Variants in CORO1C observed in about 807,000 individuals in gnomAD.
The protein encoded by CORO1C is coronin 1C.
In CORO1C, 14 loss-of-function variants were observed where a neutral mutation model predicts 51.2. The ratio of observed to expected loss-of-function variants is 0.27; its 90% CI spans 0.18 to 0.43. The LOEUF is 0.43. Among genes scored for constraint, CORO1C ranks in the 20% least tolerant of loss-of-function variants. CORO1C has a pLI of 1.00. For missense variants in CORO1C, 417 were observed against 607.8 expected (o/e 0.69, Z 3.30); for synonymous variants, 181 against 210.5 (o/e 0.86, Z 1.21).
chr12:108,713,469 G>A (rs1335506189), intron 1 of CORO1C, among the ~76,000 whole-genome samples: 1 of 152,072 alleles, frequency 6.6e-6, no homozygotes, highest in East Asian at 1.9e-4. Flanking sequence ...CCAAGAATGA[G>A]GCATACCAGT....
intron 1 of CORO1C, among the ~76,000 whole-genome samples, chr12:108,710,098 C>G (rs2035136231): frequency 6.6e-6 from 1 of 152,180 alleles, no homozygotes; most frequent in Non-Finnish European, 1.5e-5. Context: ...ATTTATCACT[C>G]TCCTCCTATT....
Position 108,658,622 on chromosome 12 carries a change from G to T in CORO1C, c.630+116C>A. 1.1e-6 allele frequency: 1 copy of T among 873,088 alleles called. No homozygotes were observed. The highest frequency in any genetic ancestry group is 1.7e-6 in the Non-Finnish European group (1 of 575,974). 54.1% of individuals were successfully genotyped at this position (873,088 alleles called of 1,614,324 possible). A position where few individuals can be genotyped will look rare whatever the true frequency, so the allele number is the denominator to read the frequency against. ...TATAAGCCTTCTCTTATTCACAGTT[G>T]GTGTCTACACACAACAGGGTCCCAC... On this transcript the variant is annotated intron_variant, in intron 5 of 10. Coordinates refer to ENST00000261401, the MANE Select transcript of CORO1C (RefSeq NM_014325.4). The surrounding 1 kb of genome is among the most constrained non-coding windows in gnomAD (Gnocchi z 4.9).
chr12:108,655,642 G>A (rs1012103191), intron 6 of CORO1C, among the ~76,000 whole-genome samples: 4 of 152,220 alleles, frequency 2.6e-5, no homozygotes, highest in East Asian at 3.9e-4. Flanking sequence ...TCGGCCTCCC[G>A]AGGTGCCGGG....
intron 1 of CORO1C, among the ~76,000 whole-genome samples, chr12:108,729,379 T>C (rs114167500): frequency 6.5e-4 from 98 of 151,302 alleles, no homozygotes; most frequent in African/African-American, 2.4e-3. Context: ...TGTGCAGTTA[T>C]GTTTCATCGG....
intron 3 of CORO1C, among the ~76,000 whole-genome samples, chr12:108,665,453 G>C (rs2033438634): frequency 6.6e-6 from 1 of 151,888 alleles, no homozygotes; most frequent in Non-Finnish European, 1.5e-5. Flanking sequence ...TCTAGTACTG[G>C]GTAACTAAAT....
At position 108,648,785 on chromosome 12, in the gene CORO1C, T is replaced by C; in HGVS notation, c.1125A>G (p.Glu375=). 1.9e-6 allele frequency: 3 copies of C among 1,614,244 alleles called. No homozygotes were observed. The highest frequency in any genetic ancestry group is 1.6e-4 in the Middle Eastern group (1 of 6,062). The change falls in exon 10 of 11, where the codon GAA becomes GAG. Residue 375 remains glutamate (E), a synonymous_variant. Transcript: ENST00000261401. ...CTGCATTCTTGCCTTCGAACCACTCTTCTGCCTCCAGCGCGGCCTCTGGCC... is the reference window on the plus strand; with the variant it reads ...CTGCATTCTTGCCTTCGAACCACTCCTCTGCCTCCAGCGCGGCCTCTGGCC... The part of the protein sequence containing the change: ...TAGPEAALEA[E]EWFEGKNADP...
intron 2 of CORO1C, among the ~76,000 whole-genome samples, chr12:108,685,145 T>C (rs2034253847): frequency 6.6e-6 from 1 of 152,200 alleles, no homozygotes; most frequent in African/African-American, 2.4e-5. Context: ...AGCTTCTTAC[T>C]AAATGACTTC....
At chr12:108,725,220 A>G (rs1305510155) in intron 1 of CORO1C, among the ~76,000 whole-genome samples, 1 of 152,194 alleles carries the variant, frequency 6.6e-6, no homozygotes, top group Admixed American at 6.5e-5. Flanking sequence ...CAGTGACTCA[A>G]CTTTGATTCA....
chr12:108,721,583 A>T (rs1232542465), intron 1 of CORO1C, among the ~76,000 whole-genome samples: 6 of 152,230 alleles, frequency 3.9e-5, no homozygotes, highest in Non-Finnish European at 5.9e-5. Context: ...AATTTTTTAA[A>T]TGATACCAGA....
intron 1 of CORO1C, among the ~76,000 whole-genome samples, chr12:108,727,734 T>C (rs1301870697): frequency 6.6e-6 from 1 of 152,178 alleles, no homozygotes; most frequent in East Asian, 1.9e-4. Context: ...GACCCCACTA[T>C]TCATAAATTG....
chr12:108,685,795 A>C (rs1410310723), intron 2 of CORO1C, among the ~76,000 whole-genome samples: 1 of 152,114 alleles, frequency 6.6e-6, no homozygotes, highest in East Asian at 1.9e-4. Flanking sequence ...AATTGACTAA[A>C]TATCTGACAG....
At chr12:108,715,995 GT>G (rs2035323352) in intron 1 of CORO1C, among the ~76,000 whole-genome samples, 1 of 151,692 alleles carries the variant, frequency 6.6e-6, no homozygotes, top group African/African-American at 2.4e-5. Flanking sequence ...GCCAGGCGTG[GT>G]GGCACGCGCC....
At chr12:108,655,111 C>T (rs2032881162) in intron 6 of CORO1C, among the ~76,000 whole-genome samples, 1 of 151,906 alleles carries the variant, frequency 6.6e-6, no homozygotes, top group Non-Finnish European at 1.5e-5. Context: ...AATCCTACAG[C>T]CCAGTGGGTG....
chr12:108,706,532 C>G (rs1013129993), intron 1 of CORO1C, among the ~76,000 whole-genome samples: 32 of 152,088 alleles, frequency 2.1e-4, no homozygotes, highest in Admixed American at 2.1e-3. Flanking sequence ...CAGAAAATCC[C>G]GAGGAATCCA....
intron 3 of CORO1C, among the ~76,000 whole-genome samples, chr12:108,667,871 CAA>C (rs2033548018): frequency 6.6e-6 from 1 of 152,184 alleles, no homozygotes; most frequent in Non-Finnish European, 1.5e-5. Flanking sequence ...AAGGACAACT[CAA>C]GAGAACAATC....
intron 3 of CORO1C, among the ~76,000 whole-genome samples, chr12:108,677,325 A>G (rs1394973679): frequency 2.6e-5 from 4 of 152,244 alleles, no homozygotes; most frequent in Admixed American, 2.6e-4. Flanking sequence ...ACAAGAAATC[A>G]TATTAAAAAG....
intron 2 of CORO1C, among the ~76,000 whole-genome samples, chr12:108,690,347 G>C (rs964938834): frequency 6.6e-6 from 1 of 152,298 alleles, no homozygotes; most frequent in African/African-American, 2.4e-5. Context: ...AGGTAAGCTA[G>C]AAACAAAAGC....
At chr12:108,662,282 A>G in intron 3 of CORO1C, 124 bp from the exon 4 acceptor site, 1 of 814,746 alleles carries the variant, frequency 1.2e-6, no homozygotes, top group Non-Finnish European at 2.0e-6. Context: ...TATCTGGATG[A>G]AAGGCAGAAT....
chr12:108,691,022 A>G (rs967570650), intron 2 of CORO1C, among the ~76,000 whole-genome samples: 1 of 151,970 alleles, frequency 6.6e-6, no homozygotes, highest in Admixed American at 6.6e-5. Context: ...GGTTTAATCC[A>G]CAGGTCTCAG....
Sources: gnomAD v4.1 joint callset for allele counts (sites outside exome capture counted in the v4.1 genomes callset) on GRCh38, gnomAD v4.1.1 for gene constraint, Gnocchi (gnomAD v3.1) non-coding constraint, MANE v1.5 for transcripts, NCBI Gene and HGNC (gene_info 2026-07-23, HGNC 2026-07-21) for gene names.